Variants in CFAP20DC observed in about 807,000 individuals in gnomAD.
CFAP20DC encodes the protein protein CFAP20DC.
A neutral mutation model predicts 101.7 loss-of-function variants in CFAP20DC; 84 were observed. The observed-to-expected ratio is 0.83, with a 90% CI of 0.69 to 0.99. The LOEUF is 0.99. Ranked by LOEUF, CFAP20DC falls within the 50% of genes least tolerant of loss-of-function variation. The pLI, the probability that CFAP20DC is intolerant of heterozygous loss-of-function variation, is 0.00. For missense variants in CFAP20DC, 1,007 were observed against 970.3 expected (o/e 1.04, Z -0.50); for synonymous variants, 359 against 351.2 (o/e 1.02, Z -0.25).
chr3:58,953,933 G>A (rs2090390678), intron 4 of CFAP20DC: 1 of 152,154 alleles, frequency 6.6e-6, no homozygotes, highest in Non-Finnish European at 1.5e-5. Flanking sequence ...ACGTAAGTGA[G>A]CATTCACAGC....
intron 6 of CFAP20DC, among the ~76,000 whole-genome samples, chr3:58,905,441 T>C (rs1044752568): frequency 1.3e-5 from 2 of 152,160 alleles, no homozygotes; most frequent in Non-Finnish European, 2.9e-5. Context: ...TCAGGAGCCA[T>C]AAAAGTAATA....
At chr3:58,930,865 AT>A (rs1467542689) in intron 5 of CFAP20DC, among the ~76,000 whole-genome samples, 2 of 152,144 alleles carry the variant, frequency 1.3e-5, no homozygotes, top group Admixed American at 6.5e-5. Flanking sequence ...TGATTTCTGC[AT>A]TTCCACCTGA....
chr3:58,733,751 A>G (rs1391929349), intron 3 of CFAP20DC, among the ~76,000 whole-genome samples: 1 of 152,254 alleles, frequency 6.6e-6, no homozygotes, highest in East Asian at 1.9e-4. Flanking sequence ...TTCTAACTAC[A>G]TGGCCCCAGG....
chr3:58,875,672 C>T (rs776834312), intron 7 of CFAP20DC, among the ~76,000 whole-genome samples: 1 of 152,164 alleles, frequency 6.6e-6, no homozygotes, highest in Non-Finnish European at 1.5e-5. Flanking sequence ...TGTAGAAAGA[C>T]CATTAATTTG....
chr3:58,997,552 A>G (rs1435722542), intron 4 of CFAP20DC, among the ~76,000 whole-genome samples: 1 of 152,230 alleles, frequency 6.6e-6, no homozygotes, highest in African/African-American at 2.4e-5. Flanking sequence ...GATGGCCTCA[A>G]GCTCATAGGC....
intron 13 of CFAP20DC, among the ~76,000 whole-genome samples, chr3:58,839,433 G>C (rs1449085821): frequency 6.6e-6 from 1 of 152,156 alleles, no homozygotes; most frequent in Non-Finnish European, 1.5e-5. Context: ...CTTGTGGAAG[G>C]CCTGGCATAT....
intron 1 of CFAP20DC, among the ~76,000 whole-genome samples, chr3:59,049,325 G>C (rs1256951666): frequency 1.1e-4 from 16 of 152,176 alleles, no homozygotes; most frequent in Admixed American, 1.0e-3. Context: ...TGATTCAGGA[G>C]GTTTCAGTGG....
At position 58,980,607 on chromosome 3, in the gene CFAP20DC, C is replaced by T. The variant is rs751125122; in HGVS notation, c.279-42845G>A. ...TAAACAGAACCAAAGACAAAAACCA[C>T]ATGATTATCTCAATAGATGCAGAAA... On this transcript the variant is annotated intron_variant, in intron 4 of 16. Coordinates refer to ENST00000482387, the MANE Select transcript of CFAP20DC (RefSeq NM_001394063.1). Among the ~76,000 whole-genome samples the T allele has an allele frequency of 1.8e-3, 278 of 152,172 alleles. 1 individual carries two copies. Among genetic ancestry groups the T allele is most frequent in the Non-Finnish European group, 2.3e-3 (154 of 68,030 alleles).
chr3:58,816,882 G>C (rs1440086963), intron 14 of CFAP20DC, among the ~76,000 whole-genome samples: 1 of 152,150 alleles, frequency 6.6e-6, no homozygotes, highest in Admixed American at 6.5e-5. Flanking sequence ...GCAGACTTAA[G>C]TGTCCCTGTC....
intron 15 of CFAP20DC, among the ~76,000 whole-genome samples, chr3:58,796,237 G>C (rs2073232292): frequency 6.6e-6 from 1 of 152,222 alleles, no homozygotes; most frequent in South Asian, 2.1e-4. Context: ...CAGCTGCCCA[G>C]CACTGTCCAC....
At chr3:58,923,540 C>A (rs1234408651) in intron 5 of CFAP20DC, among the ~76,000 whole-genome samples, 4 of 152,178 alleles carry the variant, frequency 2.6e-5, no homozygotes, top group African/African-American at 9.7e-5. Flanking sequence ...ACCAACTACA[C>A]CATTCCATTA....
Position 58,721,249 on chromosome 3 carries a change from C to T in CFAP20DC, c.198-3621G>A, listed in dbSNP as rs150581376. Among the ~76,000 whole-genome samples, 4 of 152,136 alleles carry T rather than the reference C, an allele frequency of 2.6e-5. No homozygotes were observed. Among genetic ancestry groups the T allele is most frequent in the East Asian group, 3.9e-4 (2 of 5,192 alleles). On this transcript the variant is annotated intron_variant, in intron 3 of 3. Coordinates refer to the CFAP20DC transcript ENST00000486145. This position sits in a 1 kb window ranked among gnomAD's most constrained non-coding sequence, Gnocchi z 5.2. ...ATCACTATATAAATATGTTCCAACA[C>T]GTTTATTAAACACCTTATCTGGGCC...
In CFAP20DC at chr3:58,799,742, T is replaced by C. The variant is rs1271388026; in HGVS notation, c.2237+6653A>G. ...GTGTCTGTGTGTGTGTCTGTGTGTGTGTGTGTGTGTGTGTGTGTGTGTGTG... is the reference window on the plus strand; with the variant it reads ...GTGTCTGTGTGTGTGTCTGTGTGTGCGTGTGTGTGTGTGTGTGTGTGTGTG... On this transcript the variant is annotated intron_variant, in intron 15 of 16. Coordinates refer to ENST00000482387, the MANE Select transcript of CFAP20DC (RefSeq NM_001394063.1). This position sits in a 1 kb window ranked among gnomAD's most constrained non-coding sequence, Gnocchi z 4.9. 7.7e-6 allele frequency among the ~76,000 whole-genome samples: 1 copy of C among 129,432 alleles called. No individual in the cohort carries two copies. The allele number at this position is 129,432 out of a possible 152,430, so 84.9% of individuals were successfully genotyped here.
At position 59,049,944 on chromosome 3, in the gene CFAP20DC, C is replaced by A. The variant is rs759525815; in HGVS notation, c.-313G>T. On this transcript the variant is annotated 5_prime_UTR_variant, in exon 1 of 17. Coordinates refer to ENST00000482387, the MANE Select transcript of CFAP20DC (RefSeq NM_001394063.1). ...TGTGTGTGTAACCTACGTGACGGGG[C>A]GCCCAGTCGCGGAGCCACAGACAAC... 4 of 328,736 alleles carry A rather than the reference C, an allele frequency of 1.2e-5. No individual in the cohort carries two copies. The highest frequency in any genetic ancestry group is 8.6e-5 in the African/African-American group (4 of 46,650). 20.4% of individuals were successfully genotyped at this position (328,736 alleles called of 1,614,324 possible).
At chr3:58,733,304 C>G (rs1345300715) in intron 3 of CFAP20DC, among the ~76,000 whole-genome samples, 1 of 152,028 alleles carries the variant, frequency 6.6e-6, no homozygotes, top group East Asian at 1.9e-4. Flanking sequence ...TGCACTCCAG[C>G]CTGGGTGATA....
rs186281085 is a variant in CFAP20DC, at chr3:58,951,820, C to A, written c.279-14058G>T. On this transcript the variant is annotated intron_variant, in intron 4 of 16. Transcript: ENST00000482387. The stretch of plus-strand genomic sequence containing the variant: ...ACACCTAATGTTAAATGACGAGTTA[C>A]TGGGTGCAGCACACCAACATGGCAC... Among the ~76,000 whole-genome samples, 18 of 152,152 alleles carry A rather than the reference C, an allele frequency of 1.2e-4. No individual in the cohort carries two copies. The East Asian group carries it at 2.9e-3, about 24-fold the overall frequency.
chr3:58,733,315 G>C (rs2067682870), intron 3 of CFAP20DC, among the ~76,000 whole-genome samples: 1 of 152,024 alleles, frequency 6.6e-6, no homozygotes, highest in South Asian at 2.1e-4. Flanking sequence ...CTGGGTGATA[G>C]GGCAAGACTG....
intron 15 of CFAP20DC, among the ~76,000 whole-genome samples, chr3:58,762,854 T>C (rs2069789510): frequency 6.6e-6 from 1 of 152,258 alleles, no homozygotes; most frequent in African/African-American, 2.4e-5. Context: ...TTAATAATGT[T>C]GAATATTGGC....
At chr3:58,858,453 C>G (rs2079007667) in intron 12 of CFAP20DC, among the ~76,000 whole-genome samples, 1 of 152,190 alleles carries the variant, frequency 6.6e-6, no homozygotes, top group Non-Finnish European at 1.5e-5. Flanking sequence ...AAATGGATTG[C>G]TCTTGCTGAG....
Sources: allele counts gnomAD v4.1 joint callset (sites outside exome capture counted in the v4.1 genomes callset), GRCh38; gene constraint gnomAD v4.1.1; non-coding constraint Gnocchi (gnomAD v3.1); transcripts MANE v1.5; gene names NCBI Gene and HGNC (gene_info 2026-07-23, HGNC 2026-07-21).